The following MELK variants were observed in gnomAD, a reference collection of about 807,000 sequenced individuals.
The protein encoded by MELK is pEg3 kinase.
In MELK, 81 loss-of-function variants were observed where a neutral mutation model predicts 85.0. The observed-to-expected ratio is 0.95, with a 90% CI of 0.80 to 1.15. The LOEUF (loss-of-function observed/expected upper bound fraction) is 1.15, where lower values mean the gene tolerates loss of function less well. Among genes scored for constraint, MELK ranks in the 50% most tolerant of loss-of-function variants. The pLI, the probability that MELK is intolerant of heterozygous loss-of-function variation, is 0.00. For synonymous variants in MELK, 252 were observed against 265.0 expected (o/e 0.95, Z 0.48); for missense variants, 754 against 777.5 (o/e 0.97, Z 0.36).
chr9:36,606,791 G>T (rs955255144), intron 7 of MELK: 1 of 148,314 alleles, frequency 6.7e-6, no homozygotes, highest in Non-Finnish European at 1.5e-5. Flanking sequence ...ATAAATAAAT[G>T]ATATATATTT....
At chr9:36,645,337 G>A (rs1004705710) in intron 11 of MELK, among the ~76,000 whole-genome samples, 3 of 146,628 alleles carry the variant, frequency 2.0e-5, no homozygotes, top group Admixed American at 6.7e-5. Flanking sequence ...CTTTTATGAC[G>A]TCTCTACCTA....
At chr9:36,593,041 AC>A (rs1823793013) in intron 4 of MELK, among the ~76,000 whole-genome samples, 1 of 152,038 alleles carries the variant, frequency 6.6e-6, no homozygotes, top group Non-Finnish European at 1.5e-5. Flanking sequence ...AATGACTCAT[AC>A]AGTATTCTTT....
rs200267104 is a variant in MELK, at chr9:36,591,144, AT to A, written c.261+1494del. On this transcript the variant is annotated intron_variant, in intron 4 of 17. Coordinates refer to ENST00000298048, the MANE Select transcript of MELK (RefSeq NM_014791.4). ...CGTTGAATGTTTTGGATCTAGAGCTATTGTATAGTAGTACATTGTATTACTA... is the reference window on the plus strand; with the variant it reads ...CGTTGAATGTTTTGGATCTAGAGCTATGTATAGTAGTACATTGTATTACTA... Among the ~76,000 whole-genome samples the A allele has an allele frequency of 5.1e-4, 78 of 152,230 alleles. 1 individual carries two copies. In the East Asian group the frequency reaches 0.014, roughly 27 times the overall value.
intron 10 of MELK, among the ~76,000 whole-genome samples, chr9:36,639,776 C>T (rs748677205): frequency 1.3e-5 from 2 of 152,192 alleles, no homozygotes; most frequent in African/African-American, 2.4e-5. Context: ...CTTCCATCTC[C>T]TGCCTTTCTC....
In MELK at chr9:36,657,377, A is replaced by G. The variant is rs745910483; in HGVS notation, c.1176+14A>G. 3.1e-5 allele frequency: 50 copies of G among 1,595,506 alleles called. No individual in the cohort carries two copies. Among genetic ancestry groups the G allele is most frequent in the Middle Eastern group, 1.7e-4 (1 of 6,004 alleles). ...CGAACATCACAGGTTCGTCATTCTT[A>G]TTACTATTTAAGGCAGAATCTATTG... On this transcript the variant is annotated intron_variant, in intron 13 of 17. Transcript: ENST00000298048.
chr9:36,654,349 CTTTTTTTTT>C (rs34436735), intron 12 of MELK, among the ~76,000 whole-genome samples: 1 of 84,126 alleles, frequency 1.2e-5, no homozygotes, highest in East Asian at 4.0e-4. Context: ...ATTGGATTGT[CTTTTTTTTT>C]TTTTTTTTTT....
At chr9:36,573,504 A>AT (rs1230545136) in intron 1 of MELK, among the ~76,000 whole-genome samples, 2 of 151,826 alleles carry the variant, frequency 1.3e-5, no homozygotes, top group Admixed American at 6.6e-5. Context: ...TAAAAGGGGA[A>AT]TTTTTTTTCT....
chr9:36,640,555 T>TCC (rs1829663670), intron 10 of MELK, among the ~76,000 whole-genome samples: 1 of 152,168 alleles, frequency 6.6e-6, no homozygotes. Context: ...CAAGTGATCC[T>TCC]CCCACCTCAG....
At chr9:36,667,854 G>A (rs1349307128) in intron 14 of MELK, among the ~76,000 whole-genome samples, 2 of 151,572 alleles carry the variant, frequency 1.3e-5, no homozygotes, top group East Asian at 1.9e-4. Flanking sequence ...TGCAACCTTC[G>A]CCTCCCAGGT....
intron 1 of MELK, among the ~76,000 whole-genome samples, chr9:36,578,489 T>G (rs902449440): frequency 1.3e-5 from 2 of 152,210 alleles, no homozygotes; most frequent in Non-Finnish European, 2.9e-5. Flanking sequence ...GTATTTAGTT[T>G]GCTGCGCAAG....
chr9:36,641,421 C>G (rs746620148), intron 10 of MELK, among the ~76,000 whole-genome samples: 45 of 152,072 alleles, frequency 3.0e-4, no homozygotes, highest in Non-Finnish European at 5.7e-4. Flanking sequence ...TAAGGTCTGT[C>G]TAATTCCCAA....
rs139423983 is a variant in MELK, at chr9:36,619,497, T to C, written c.667-10802T>C. ...TTCTTGGTTATGAGATACTATGCCA[T>C]AAAGGATAACTAGAGTCATTTTATC... On this transcript the variant is annotated intron_variant, in intron 8 of 17. Transcript: ENST00000298048. Among the ~76,000 whole-genome samples, 18 of 152,320 alleles carry C rather than the reference T, an allele frequency of 1.2e-4. No homozygotes were observed. In the East Asian group the frequency reaches 3.5e-3, roughly 29 times the overall value.
At chr9:36,652,729 CAAA>C (rs745699767) in intron 12 of MELK, among the ~76,000 whole-genome samples, 67 of 95,036 alleles carry the variant, frequency 7.0e-4, no homozygotes, top group East Asian at 1.2e-3. Context: ...GACTCTGTCT[CAAA>C]AAAAAAAAAA....
At position 36,655,705 on chromosome 9, in the gene MELK, G is replaced by A. The variant is rs117179257; in HGVS notation, c.1054-1536G>A. ...CCCTACTGGAGTACCCATGACAGCCGTCATTCGTACAGCACTGTACTTCTC... is the reference window on the plus strand; with the variant it reads ...CCCTACTGGAGTACCCATGACAGCCATCATTCGTACAGCACTGTACTTCTC... On this transcript the variant is annotated intron_variant, in intron 12 of 17. Coordinates refer to ENST00000298048, the MANE Select transcript of MELK (RefSeq NM_014791.4). 4.2e-3 allele frequency among the ~76,000 whole-genome samples: 639 copies of A among 152,286 alleles called. 2 individuals are homozygous for A. The highest frequency in any genetic ancestry group is 6.8e-3 in the Middle Eastern group (2 of 294).
chr9:36,636,262 G>C (rs1478774268), intron 10 of MELK, among the ~76,000 whole-genome samples: 1 of 151,996 alleles, frequency 6.6e-6, no homozygotes, highest in African/African-American at 2.4e-5. Flanking sequence ...CTAGCACTTT[G>C]GGAGGCCGAG....
At chr9:36,615,208 C>A (rs1435777074) in intron 8 of MELK, among the ~76,000 whole-genome samples, 2 of 143,852 alleles carry the variant, frequency 1.4e-5, no homozygotes, top group Admixed American at 6.7e-5. Context: ...CTGACCCCCC[C>A]ACCTCCCTCC....
chr9:36,581,997 T>G (rs895336793), intron 2 of MELK, among the ~76,000 whole-genome samples: 2 of 151,966 alleles, frequency 1.3e-5, no homozygotes, highest in African/African-American at 4.8e-5. Flanking sequence ...AGACGGAGTC[T>G]CACTCTGTCG....
intron 1 of MELK, among the ~76,000 whole-genome samples, chr9:36,579,137 C>T (rs1564115198): frequency 1.3e-5 from 2 of 152,228 alleles, no homozygotes; most frequent in Non-Finnish European, 2.9e-5. Flanking sequence ...AAGCAGTTCT[C>T]CTGCCTCAGC....
intron 1 of MELK, among the ~76,000 whole-genome samples, chr9:36,581,234 T>C (rs1185404128): frequency 6.6e-6 from 1 of 151,590 alleles, no homozygotes; most frequent in East Asian, 1.9e-4. Context: ...GTGGTCTTGC[T>C]ATGTTGCCCA....
Sources: allele counts gnomAD v4.1 joint callset (sites outside exome capture counted in the v4.1 genomes callset), GRCh38; gene constraint gnomAD v4.1.1; transcripts MANE v1.5; gene names NCBI Gene and HGNC (gene_info 2026-07-23, HGNC 2026-07-21).